METTL24: variants seen among roughly 807,000 people sequenced by gnomAD.
The protein encoded by METTL24 is methyltransferase like 24.
A neutral mutation model predicts 32.7 loss-of-function variants in METTL24; 29 were observed. The ratio of observed to expected loss-of-function variants is 0.89; its 90% CI spans 0.66 to 1.21. The LOEUF (loss-of-function observed/expected upper bound fraction) is 1.21, where lower values mean the gene tolerates loss of function less well. METTL24 is among the 50% of genes most tolerant of loss of function. The pLI is 0.00. For missense variants in METTL24, 439 were observed against 468.1 expected (o/e 0.94, Z 0.57); for synonymous variants, 163 against 179.5 (o/e 0.91, Z 0.73).
chr6:110,262,889 T>C lies in METTL24; in HGVS notation c.787-16629A>G, dbSNP rs1003893781. Among the ~76,000 whole-genome samples the C allele has an allele frequency of 1.2e-4, 18 of 152,202 alleles. 1 individual carries two copies. Among genetic ancestry groups the C allele is most frequent in the Non-Finnish European group, 2.4e-4 (16 of 68,044 alleles). On this transcript the variant is annotated intron_variant, in intron 4 of 4. Transcript: ENST00000338882. ...AAAACCACATGATTATCTCAATAGA[T>C]GCAGAAAAGGCCTTTGACAAAATTC... is the stretch of plus-strand genomic sequence containing the variant.
At chr6:110,334,161 G>A (rs1418383826) in intron 1 of METTL24, among the ~76,000 whole-genome samples, 1 of 152,134 alleles carries the variant, frequency 6.6e-6, no homozygotes, top group Non-Finnish European at 1.5e-5. Context: ...TTCCCCACGA[G>A]AGAACCTGCA....
Position 110,253,947 on chromosome 6 carries a change from G to T in METTL24, c.787-7687C>A, listed in dbSNP as rs1300306299. On this transcript the variant is annotated intron_variant, in intron 4 of 4. Coordinates refer to ENST00000338882, the MANE Select transcript of METTL24 (RefSeq NM_001123364.3). ...GCAGGTCCCCAGGAGGGGTGAGGAG[G>T]ATGGCAAGTGGGTGAAGGTCCAGAC... 3 of 1,450,026 alleles carry T rather than the reference G, an allele frequency of 2.1e-6. No homozygotes were observed. The South Asian group carries it at 4.6e-5, about 22-fold the overall frequency. The allele number at this position is 1,450,026 out of a possible 1,614,324, so 89.8% of individuals were successfully genotyped here. A position where few individuals can be genotyped will look rare whatever the true frequency, so the allele number is the denominator to read the frequency against.
chr6:110,307,362 T>C (rs188196963), intron 3 of METTL24, among the ~76,000 whole-genome samples: 12 of 152,360 alleles, frequency 7.9e-5, no homozygotes, highest in Non-Finnish European at 1.8e-4. Context: ...AAGGAAATCA[T>C]GTTCTGCTGC....
Position 110,298,932 on chromosome 6 carries a change from C to G in METTL24, c.776G>C (p.Gly259Ala), listed in dbSNP as rs1582409339. The G allele has an allele frequency of 6.2e-7, 1 of 1,613,998 alleles. No homozygotes were observed. The highest frequency in any genetic ancestry group is 8.5e-7 in the Non-Finnish European group (1 of 1,179,938). Residue 259 changes from glycine to alanine, a missense_variant, in exon 4 of 5, where the codon GGA becomes GCA. By Grantham distance (60) the Gly-to-Ala change is moderately conservative. Transcript: ENST00000338882. ...AATGAAAAACCTCACCTTGTGATGT[C>G]CAAATTCATTCAAAATGCTTCCCAG... ...RKLGSILNEF[G>A]HHKIDVLKAD...
intron 1 of METTL24, chr6:110,332,500 A>G: frequency 6.1e-6 from 6 of 983,050 alleles, no homozygotes; most frequent in Non-Finnish European, 6.0e-6. Flanking sequence ...GAAACTACAC[A>G]GTGTCTGCAT....
At chr6:110,252,175 G>C (rs1778293906) in intron 4 of METTL24, among the ~76,000 whole-genome samples, 1 of 152,078 alleles carries the variant, frequency 6.6e-6, no homozygotes, top group Non-Finnish European at 1.5e-5. Context: ...CTGCTGCATT[G>C]GGATTCAGTT....
At chr6:110,293,441 T>C (rs1404691580) in intron 4 of METTL24, among the ~76,000 whole-genome samples, 1 of 152,036 alleles carries the variant, frequency 6.6e-6, no homozygotes, top group Non-Finnish European at 1.5e-5. Context: ...GACAACTCAT[T>C]AAATTTACTT....
At chr6:110,254,339 A>T (rs936858915) in intron 4 of METTL24, 1 of 154,986 alleles carries the variant, frequency 6.5e-6, no homozygotes, top group African/African-American at 2.4e-5. Context: ...AATATTTTTT[A>T]AAATTGAATT....
intron 4 of METTL24, among the ~76,000 whole-genome samples, chr6:110,290,743 G>A (rs1771304097): frequency 6.6e-6 from 1 of 152,058 alleles, no homozygotes. Flanking sequence ...TCTAGGAATG[G>A]GTTTACTGGA....
intron 1 of METTL24, chr6:110,357,417 C>T (rs1772719479): frequency 6.6e-6 from 1 of 152,210 alleles, no homozygotes; most frequent in Non-Finnish European, 1.5e-5. Flanking sequence ...CCTCCCAGCC[C>T]CCAGCCAACG....
chr6:110,318,889 G>A (rs954352241), intron 2 of METTL24, among the ~76,000 whole-genome samples: 1 of 152,186 alleles, frequency 6.6e-6, no homozygotes, highest in Non-Finnish European at 1.5e-5. Flanking sequence ...AGTGAGGGCA[G>A]TAACTTCTAG....
At chr6:110,247,232 T>C (rs144701560) in intron 4 of METTL24, among the ~76,000 whole-genome samples, 200 of 152,322 alleles carry the variant, frequency 1.3e-3, no homozygotes, top group African/African-American at 4.5e-3. Context: ...TCAATAATGC[T>C]GTAAGGGTGA....
At chr6:110,294,982 T>C (rs890202893) in intron 4 of METTL24, among the ~76,000 whole-genome samples, 4 of 151,130 alleles carry the variant, frequency 2.6e-5, no homozygotes, top group African/African-American at 9.7e-5. Context: ...AAAAAGTGAG[T>C]CTTTAATTGC....
chr6:110,348,188 T>C (rs1331209608), intron 1 of METTL24, among the ~76,000 whole-genome samples: 1 of 152,226 alleles, frequency 6.6e-6, no homozygotes, highest in African/African-American at 2.4e-5. Context: ...TCTCGTTTCA[T>C]CTTCACGACA....
At chr6:110,327,865 A>C (rs931953074) in intron 1 of METTL24, among the ~76,000 whole-genome samples, 16 of 152,218 alleles carry the variant, frequency 1.1e-4, no homozygotes, top group Non-Finnish European at 2.1e-4. Context: ...GCCAGGGTAC[A>C]TTAAATGCCT....
chr6:110,333,047 G>A (rs1772136859), intron 1 of METTL24, among the ~76,000 whole-genome samples: 1 of 151,968 alleles, frequency 6.6e-6, no homozygotes, highest in Non-Finnish European at 1.5e-5. Context: ...GCCTCCACAT[G>A]TATACACACC....
intron 1 of METTL24, among the ~76,000 whole-genome samples, chr6:110,325,175 C>A (rs1472443068): frequency 1.3e-5 from 2 of 152,140 alleles, no homozygotes; most frequent in Admixed American, 1.3e-4. Context: ...CTGTCATGGA[C>A]CACTCACAAG....
chr6:110,276,628 T>C (rs1771051883), intron 4 of METTL24, among the ~76,000 whole-genome samples: 1 of 152,200 alleles, frequency 6.6e-6, no homozygotes, highest in South Asian at 2.1e-4. Context: ...TTGGACTTTC[T>C]AGGCCACAAG....
At chr6:110,277,276 A>G (rs1466349675) in intron 4 of METTL24, among the ~76,000 whole-genome samples, 2 of 152,182 alleles carry the variant, frequency 1.3e-5, no homozygotes, top group Non-Finnish European at 2.9e-5. Flanking sequence ...TTATAGCCAT[A>G]CATGCTGAGA....
Sources: allele counts gnomAD v4.1 joint callset (sites outside exome capture counted in the v4.1 genomes callset), GRCh38; gene constraint gnomAD v4.1.1; transcripts MANE v1.5; gene names NCBI Gene and HGNC (gene_info 2026-07-23, HGNC 2026-07-21).